ARHGEF18: variants seen among roughly 807,000 people sequenced by gnomAD.
ARHGEF18 encodes Rho/Rac guanine nucleotide exchange factor 18, also known as rho guanine nucleotide exchange factor 18.
A neutral mutation model predicts 155.7 loss-of-function variants in ARHGEF18; 93 were observed. The observed-to-expected ratio is 0.60, with a 90% confidence interval of 0.50 to 0.71. ARHGEF18 has a LOEUF of 0.71. Ranked by LOEUF, ARHGEF18 falls within the 30% of genes least tolerant of loss-of-function variation. The pLI is 0.00. For synonymous variants in ARHGEF18, 742 were observed against 753.1 expected, an observed-to-expected ratio of 0.99 and a Z score of 0.24; for missense variants, 1,593 against 1,816.1, an observed-to-expected ratio of 0.88 and a Z score of 2.23.
At chr19:7,397,920 T>C (rs910490771) in intron 10 of ARHGEF18, among the ~76,000 whole-genome samples, 1 of 152,042 alleles carries the variant, frequency 6.6e-6, no homozygotes, top group Non-Finnish European at 1.5e-5. Context: ...GTATTTATCA[T>C]GTGCAACGTG....
chr19:7,453,990 CT>C (rs1430439189), intron 17 of ARHGEF18, among the ~76,000 whole-genome samples: 1 of 151,488 alleles, frequency 6.6e-6, no homozygotes, highest in Non-Finnish European at 1.5e-5. Flanking sequence ...TGGGTGCTAT[CT>C]TGGGTTGGTA....
intron 10 of ARHGEF18, among the ~76,000 whole-genome samples, chr19:7,428,597 T>A (rs533705405): frequency 8.6e-4 from 131 of 152,198 alleles, no homozygotes; most frequent in African/African-American, 2.9e-3. Flanking sequence ...TCTTTAATGG[T>A]TCAGAAGGCT....
chr19:7,355,290 C>T (rs1969259651), intron 1 of ARHGEF18, among the ~76,000 whole-genome samples: 5 of 152,140 alleles, frequency 3.3e-5, no homozygotes, highest in Admixed American at 3.3e-4. Flanking sequence ...CGCACACACA[C>T]ACAAACACTC....
In ARHGEF18 at chr19:7,372,996, G is replaced by T. The variant is rs1970271334; in HGVS notation, c.200G>T (p.Ser67Ile). The T allele has an allele frequency of 8.1e-7, 1 of 1,234,462 alleles. No individual in the cohort carries two copies. Among genetic ancestry groups the T allele is most frequent in the Non-Finnish European group, 1.0e-6 (1 of 988,224 alleles). The allele number at this position is 1,234,462 out of a possible 1,614,324, so 76.5% of individuals were successfully genotyped here. A position where few individuals can be genotyped will look rare whatever the true frequency, so the allele number is the denominator to read the frequency against. ...EEPGRDSLFSSLAGSQDLSRR... is the reference protein window; with the variant it reads ...EEPGRDSLFSILAGSQDLSRR... ...CCAGGAAGAGATTCTCTTTTCTCCA[G>T]CTTGGCAGGGTCCCAAGACCTGTCA... The change falls in exon 3 of 29, where the codon AGC becomes ATC. Residue 67 changes from serine to isoleucine, a missense_variant. By Grantham distance (142) the Ser-to-Ile change is moderately radical. Coordinates refer to ENST00000668164, the MANE Select transcript of ARHGEF18 (RefSeq NM_001367823.1).
chr19:7,430,128 TC>T (rs1186862313), intron 10 of ARHGEF18, among the ~76,000 whole-genome samples: 1 of 152,140 alleles, frequency 6.6e-6, no homozygotes, highest in Non-Finnish European at 1.5e-5. Context: ...CACCTATTTT[TC>T]TGCTCCAGAA....
intron 2 of ARHGEF18, among the ~76,000 whole-genome samples, chr19:7,363,741 A>G (rs550990531): frequency 6.7e-6 from 1 of 149,570 alleles, no homozygotes; most frequent in South Asian, 2.2e-4. Context: ...GGTGAAAGGA[A>G]GGAAGATGGC....
chr19:7,381,217 G>A (rs1422252678), intron 8 of ARHGEF18, among the ~76,000 whole-genome samples: 5 of 152,044 alleles, frequency 3.3e-5, no homozygotes, highest in African/African-American at 9.7e-5. Flanking sequence ...GGGTTCTGAC[G>A]GAAGAGTAGG....
rs374508215 is a variant in ARHGEF18 at position 7,470,251 on chromosome 19, C to T, written c.4039C>T (p.Leu1347Phe). ...PAPSPLPATP[L>F]SAKEDASKED... is the part of the protein sequence containing the mutation. ...TCCCTCGCCACTGCCGGCCACACCA[C>T]TCAGCGCCAAGGAGGACGCCAGCAA... Residue 1347 changes from leucine (L) to phenylalanine (F), a missense_variant, in exon 29 of 29, where the codon CTC (leucine) becomes TTC (phenylalanine). Coordinates refer to ENST00000668164, the MANE Select transcript of ARHGEF18 (RefSeq NM_001367823.1). This position sits in a 1 kb window ranked among gnomAD's most constrained non-coding sequence, Gnocchi z 5.9. 8 of 1,599,428 alleles carry T rather than the reference C, an allele frequency of 5.0e-6. No homozygotes were observed. Among genetic ancestry groups the T allele is most frequent in the Non-Finnish European group, 6.8e-6 (8 of 1,174,708 alleles).
intron 15 of ARHGEF18, among the ~76,000 whole-genome samples, chr19:7,448,908 T>C (rs1390257977): frequency 6.6e-6 from 1 of 152,144 alleles, no homozygotes; most frequent in African/African-American, 2.4e-5. Flanking sequence ...CTAACACTGC[T>C]GATTCCACAA....
intron 16 of ARHGEF18, 138 bp downstream of exon 16, chr19:7,451,404 CTTTTT>C (rs35473770): frequency 1.4e-4 from 52 of 377,588 alleles, no homozygotes; most frequent in Middle Eastern, 7.9e-4. Context: ...GGGTTCCTTC[CTTTTT>C]TTTTTTTTTT....
At chr19:7,477,768 G>A in the ARHGEF18 span, among the ~76,000 whole-genome samples, 3 of 152,360 alleles carry the variant, frequency 2.0e-5, no homozygotes, top group Non-Finnish European at 2.9e-5. Context: ...ACCCCCAGGA[G>A]CGTGGCCTGT....
the ARHGEF18 span, chr19:7,477,553 CT>C: frequency 8.3e-6 from 7 of 845,654 alleles, no homozygotes; most frequent in Admixed American, 2.6e-4. Flanking sequence ...GTGGGAGGAG[CT>C]GGCAGGACTG....
At position 7,464,616 on chromosome 19, in the gene ARHGEF18, G is replaced by A. The variant is rs1976501896; in HGVS notation, c.2830G>A (p.Gly944Ser). The change falls in exon 23 of 29, where the codon GGC becomes AGC. Residue 944 changes from glycine (G) to serine (S), a missense_variant. Coordinates refer to ENST00000668164, the MANE Select transcript of ARHGEF18 (RefSeq NM_001367823.1). ...STDPRPRDWRGPPNSPDLKLS... is the reference protein window; with the variant it reads ...STDPRPRDWRSPPNSPDLKLS... ...TGACCCCAGGCCCCGAGACTGGCGA[G>A]GCCCCCCAAACAGCCCGGACTTGAA... The A allele has an allele frequency of 3.1e-6, 5 of 1,613,968 alleles. No individual in the cohort carries two copies. The highest frequency in any genetic ancestry group is 4.2e-6 in the Non-Finnish European group (5 of 1,179,978).
At chr19:7,375,905 A>T in intron 4 of ARHGEF18, 35 bp downstream of exon 4, 2 of 1,234,218 alleles carry the variant, frequency 1.6e-6, no homozygotes, top group Non-Finnish European at 2.0e-6. Context: ...TGACAATAGC[A>T]CACTTTTGGG....
intron 10 of ARHGEF18, chr19:7,383,434 G>T: frequency 2.4e-6 from 1 of 412,016 alleles, no homozygotes; most frequent in South Asian, 1.3e-4. Context: ...GCGATTGTGG[G>T]AATCCTCCTG....
At chr19:7,413,937 A>G (rs1972842567) in intron 10 of ARHGEF18, among the ~76,000 whole-genome samples, 2 of 152,200 alleles carry the variant, frequency 1.3e-5, no homozygotes, top group South Asian at 4.2e-4. Flanking sequence ...ATAAAGATGT[A>G]GAAAGCTTAT....
At chr19:7,383,357 G>GA in intron 10 of ARHGEF18, 154 bp downstream of exon 10, 2 of 776,800 alleles carry the variant, frequency 2.6e-6, no homozygotes, top group Non-Finnish European at 3.5e-6. Flanking sequence ...CCAGGGATCA[G>GA]TCCCTGGGCA....
chr19:7,473,803 C>T (rs1462321993), downstream of ARHGEF18, among the ~76,000 whole-genome samples: 2 of 100,474 alleles, frequency 2.0e-5, no homozygotes, highest in East Asian at 2.9e-4. Flanking sequence ...AGCGAGACTC[C>T]GTCTCAAAAA....
In ARHGEF18 at chr19:7,439,641, ACT is replaced by A; in HGVS notation, c.968-702_968-701del. 6.3e-6 allele frequency: 7 copies of A among 1,114,076 alleles called. No homozygotes were observed. In the South Asian group the frequency reaches 9.6e-5, roughly 15 times the overall value. The allele number at this position is 1,114,076 out of a possible 1,614,324, so 69.0% of individuals were successfully genotyped here. On this transcript the variant is annotated intron_variant, in intron 10 of 28. Coordinates refer to ENST00000668164, the MANE Select transcript of ARHGEF18 (RefSeq NM_001367823.1). ...GGAACAGAATCGGAGCCTCGCGTCC[ACT>A]TCGATGCTAGAATTCTGTTCGAGTG...
Sources: gnomAD v4.1 joint callset for allele counts (sites outside exome capture counted in the v4.1 genomes callset) on GRCh38, gnomAD v4.1.1 for gene constraint, Gnocchi (gnomAD v3.1) non-coding constraint, MANE v1.5 for transcripts, NCBI Gene and HGNC (gene_info 2026-07-23, HGNC 2026-07-21) for gene names.